The following GTF2H4 variants were observed in gnomAD, a reference collection of about 807,000 sequenced individuals.
The protein encoded by GTF2H4 is BTF2 p52.
GTF2H4 carries 49 observed loss-of-function variants against 62.2 expected under a neutral mutation model. The observed-to-expected ratio is 0.79, with a 90% confidence interval of 0.63 to 1.00. GTF2H4 has a LOEUF of 1.00. Among genes scored for constraint, GTF2H4 ranks in the 50% least tolerant of loss-of-function variants. The pLI is 0.00. For missense variants in GTF2H4, 479 were observed against 587.8 expected (o/e 0.81, Z 1.91); for synonymous variants, 189 against 233.8 (o/e 0.81, Z 1.75).
rs780624433 is a variant in GTF2H4 at position 30,911,739 on chromosome 6, G to C, written c.797G>C (p.Arg266Pro). The change falls in exon 9 of 14, where the codon CGT becomes CCT. Residue 266 changes from arginine (R) to proline (P), a missense_variant. Arg to Pro is a moderately radical substitution (Grantham distance 103). Coordinates refer to ENST00000259895, the MANE Select transcript of GTF2H4 (RefSeq NM_001517.5). The surrounding 1 kb of genome is among the most constrained non-coding windows in gnomAD (Gnocchi z 4.3). ...CTGTTGAACTTCCTGCAACATCTGC[G>C]TGAGTTTGGGCTTGTTTTCCAGAGG... ...DSLLNFLQHLREFGLVFQRKR... is the reference protein window; with the variant it reads ...DSLLNFLQHLPEFGLVFQRKR... 2.5e-6 allele frequency: 4 copies of C among 1,612,930 alleles called. No homozygotes were observed. Among genetic ancestry groups the C allele is most frequent in the Admixed American group, 1.7e-5 (1 of 60,030 alleles).
Position 30,909,158 on chromosome 6 carries a change from G to A in GTF2H4, c.122G>A (p.Cys41Tyr), listed in dbSNP as rs373240068. 5 of 1,613,566 alleles carry A rather than the reference G, an allele frequency of 3.1e-6. No individual in the cohort carries two copies. Among genetic ancestry groups the A allele is most frequent in the Non-Finnish European group, 4.2e-6 (5 of 1,179,648 alleles). The change falls in exon 2 of 14, where the codon TGT becomes TAT. Residue 41 changes from cysteine (C) to tyrosine (Y), a missense_variant. Physicochemically the swap from Cys to Tyr is radical, Grantham distance 194. Transcript: ENST00000259895. The surrounding 1 kb of genome is among the most constrained non-coding windows in gnomAD (Gnocchi z 4.3). ...CGATTGTATGGGCACCCTGCCACAT[G>A]TCTGGCTGTCTTCAGGTGAGAAGCC... is the stretch of plus-strand genomic sequence containing the variant. ...LDRLYGHPATCLAVFRELPSL... is the reference protein window; with the variant it reads ...LDRLYGHPATYLAVFRELPSL...
At position 30,908,634 on chromosome 6, in the gene GTF2H4, T is replaced by C. The variant is rs3218810; in HGVS notation, c.-4+231T>C. Among the ~76,000 whole-genome samples, 502 of 152,066 alleles carry C rather than the reference T, an allele frequency of 3.3e-3. 1 individual carries two copies. The highest frequency in any genetic ancestry group is 5.7e-3 in the African/African-American group (235 of 41,484). On this transcript the variant is annotated intron_variant, in intron 1 of 13. Transcript: ENST00000259895. ...CAGAAGTGGGCTAAGAGATAGAAGA[T>C]AGGAAGGACGGGCAGATTTGGAGCT...
chr6:30,913,079 G>C lies in GTF2H4; in HGVS notation c.1090-31G>C. 6.2e-7 allele frequency: 1 copy of C among 1,612,514 alleles called. No individual in the cohort carries two copies. The highest frequency in any genetic ancestry group is 2.2e-5 in the East Asian group (1 of 44,880). Reference sequence around the variant, plus strand: ...ATGGCTTTCCTGCCTTCTTGCTGGAGCCCTCATGCCATTCTTGTCTGTTTT... The same window carrying C: ...ATGGCTTTCCTGCCTTCTTGCTGGACCCCTCATGCCATTCTTGTCTGTTTT... On this transcript the variant is annotated intron_variant, in intron 11 of 13. Transcript: ENST00000259895. The surrounding 1 kb of genome is among the most constrained non-coding windows in gnomAD (Gnocchi z 4.2).
Position 30,910,698 on chromosome 6 carries a change from G to T in GTF2H4, c.408G>T (p.Leu136=). 6.2e-7 allele frequency: 1 copy of T among 1,613,010 alleles called. No individual in the cohort carries two copies. The highest frequency in any genetic ancestry group is 8.5e-7 in the Non-Finnish European group (1 of 1,179,998). ...GKAWSDDTSQ[L]GPDKHARDVP... is the part of the protein sequence containing the mutation. The stretch of plus-strand genomic sequence containing the variant: ...CCTGGTCTGATGACACAAGTCAGCT[G>T]GGACCAGACAAGCATGCCCGGGACG... Residue 136 remains leucine (L), a synonymous_variant, in exon 5 of 14, where the codon CTG becomes CTT. Transcript: ENST00000259895. This position sits in a 1 kb window ranked among gnomAD's most constrained non-coding sequence, Gnocchi z 4.7.
rs778558787 is a variant in GTF2H4, at chr6:30,913,206, G to A, written c.1137+49G>A. 4 of 1,613,110 alleles carry A rather than the reference G, an allele frequency of 2.5e-6. No individual in the cohort carries two copies. The South Asian group carries it at 3.3e-5, about 13-fold the overall frequency. On this transcript the variant is annotated intron_variant, in intron 12 of 13. Transcript: ENST00000259895. The surrounding 1 kb of genome is among the most constrained non-coding windows in gnomAD (Gnocchi z 4.2). The stretch of plus-strand genomic sequence containing the variant: ...AGAGGCTGGCAGCTGGTGATGACAT[G>A]ATGGAAAAGAAAAAGGGGCATCCAA...
At position 30,911,086 on chromosome 6, in the gene GTF2H4, A is replaced by C; in HGVS notation, c.561-72A>C. 7.2e-7 allele frequency: 1 copy of C among 1,383,032 alleles called. No homozygotes were observed. Among genetic ancestry groups the C allele is most frequent in the Non-Finnish European group, 1.0e-6 (1 of 973,196 alleles). 85.7% of individuals were successfully genotyped at this position (1,383,032 alleles called of 1,614,324 possible). A position where few individuals can be genotyped will look rare whatever the true frequency, so the allele number is the denominator to read the frequency against. ...ATATAGCCAGAGATACCAAGAAAAA[A>C]CGTGAGTGGACAAGTGGGGATAGTA... On this transcript the variant is annotated intron_variant, in intron 6 of 13. Transcript: ENST00000259895. This position sits in a 1 kb window ranked among gnomAD's most constrained non-coding sequence, Gnocchi z 4.3.
chr6:30,912,643 T>A lies in GTF2H4; in HGVS notation c.1089+185T>A, dbSNP rs1159822123. On this transcript the variant is annotated intron_variant, in intron 11 of 13. Coordinates refer to ENST00000259895, the MANE Select transcript of GTF2H4 (RefSeq NM_001517.5). The surrounding 1 kb of genome is among the most constrained non-coding windows in gnomAD (Gnocchi z 4.8). ...GTAGACCCTTGAGGGGAAAAAAACA[T>A]GGAGGGAGGAGGTATAGATCTGGAT... Among the ~76,000 whole-genome samples, 1 of 152,010 alleles carries A rather than the reference T, an allele frequency of 6.6e-6. No homozygotes were observed.
Position 30,912,975 on chromosome 6 carries a change from G to A in GTF2H4, c.1090-135G>A. The A allele has an allele frequency of 1.3e-6, 1 of 778,500 alleles. No homozygotes were observed. The highest frequency in any genetic ancestry group is 2.1e-6 in the Non-Finnish European group (1 of 478,996). 48.2% of individuals were successfully genotyped at this position (778,500 alleles called of 1,614,324 possible). A position where few individuals can be genotyped will look rare whatever the true frequency, so the allele number is the denominator to read the frequency against. ...AGCAACGTGGGATAACAGCTGAACT[G>A]GGATGGGTGGAGTTGATGACAGGAG... On this transcript the variant is annotated intron_variant, in intron 11 of 13. Coordinates refer to ENST00000259895, the MANE Select transcript of GTF2H4 (RefSeq NM_001517.5). This position sits in a 1 kb window ranked among gnomAD's most constrained non-coding sequence, Gnocchi z 4.8.
chr6:30,910,054 T>A lies in GTF2H4; in HGVS notation c.365T>A (p.Leu122His), dbSNP rs1337014122. The change falls in exon 4 of 14, where the codon CTT becomes CAT. Residue 122 changes from leucine to histidine, a missense_variant. Transcript: ENST00000259895. This position sits in a 1 kb window ranked among gnomAD's most constrained non-coding sequence, Gnocchi z 4.7. The part of the protein sequence containing the change: ...PIFRQNLRIA[L>H]LGGGKAWSDD... ...TTCCGCCAGAACCTCCGCATTGCCC[T>A]TCTGGGTGGGTATGTCACTTCTCTC... 6 of 1,612,724 alleles carry A rather than the reference T, an allele frequency of 3.7e-6. No individual in the cohort carries two copies. Among genetic ancestry groups the A allele is most frequent in the Non-Finnish European group, 5.1e-6 (6 of 1,179,918 alleles).
chr6:30,909,561 A>C lies in GTF2H4; in HGVS notation c.242+22A>C, dbSNP rs1362003546. 1 of 1,417,356 alleles carries C rather than the reference A, an allele frequency of 7.1e-7. No individual in the cohort carries two copies. The highest frequency in any genetic ancestry group is 1.0e-6 in the Non-Finnish European group (1 of 1,002,104). The allele number at this position is 1,417,356 out of a possible 1,614,324, so 87.8% of individuals were successfully genotyped here. A position where few individuals can be genotyped will look rare whatever the true frequency, so the allele number is the denominator to read the frequency against. On this transcript the variant is annotated intron_variant, in intron 3 of 13. Coordinates refer to ENST00000259895, the MANE Select transcript of GTF2H4 (RefSeq NM_001517.5). This position sits in a 1 kb window ranked among gnomAD's most constrained non-coding sequence, Gnocchi z 4.3. ...GCAAGTAAGTCTCAGCCAGATACAA[A>C]TTTCTCAACAGCTACATTTCCCAAA...
Position 30,912,522 on chromosome 6 carries a change from G to A in GTF2H4, c.1089+64G>A. 1.3e-6 allele frequency: 2 copies of A among 1,591,818 alleles called. No individual in the cohort carries two copies. The highest frequency in any genetic ancestry group is 8.6e-7 in the Non-Finnish European group (1 of 1,166,860). ...TGCACTTGGGCTGCGGGGGACAGGGGTCACATTATGGAAGGCTAGCTCTGA... is the reference window on the plus strand; with the variant it reads ...TGCACTTGGGCTGCGGGGGACAGGGATCACATTATGGAAGGCTAGCTCTGA... On this transcript the variant is annotated intron_variant, in intron 11 of 13. Transcript: ENST00000259895. The surrounding 1 kb of genome is among the most constrained non-coding windows in gnomAD (Gnocchi z 4.8).
At chr6:30,908,529 C>T in intron 1 of GTF2H4, 126 bp downstream of exon 1, 1 of 195,154 alleles carries the variant, frequency 5.1e-6, no homozygotes, top group Non-Finnish European at 1.1e-5. Flanking sequence ...GGGTGAATGA[C>T]GTGAAGTAGA....
rs549297128 is a variant in GTF2H4 at position 30,912,832 on chromosome 6, A to G, written c.1090-278A>G. Among the ~76,000 whole-genome samples, 4 of 152,298 alleles carry G rather than the reference A, an allele frequency of 2.6e-5. No homozygotes were observed. In the East Asian group the frequency reaches 7.7e-4, roughly 29 times the overall value. Reference sequence around the variant, plus strand: ...CAAAGCATTGAGCTCAGCACCTGTCATGCAATAAATGCTAAAAAAAGAAAA... The same window carrying G: ...CAAAGCATTGAGCTCAGCACCTGTCGTGCAATAAATGCTAAAAAAAGAAAA... On this transcript the variant is annotated intron_variant, in intron 11 of 13. Transcript: ENST00000259895. The surrounding 1 kb of genome is among the most constrained non-coding windows in gnomAD (Gnocchi z 4.8).
Position 30,909,270 on chromosome 6 carries a change from G to C in GTF2H4, c.137+97G>C. On this transcript the variant is annotated intron_variant, in intron 2 of 13. Transcript: ENST00000259895. This position sits in a 1 kb window ranked among gnomAD's most constrained non-coding sequence, Gnocchi z 4.3. Reference sequence around the variant, plus strand: ...TGTAGCAGCCTGGAGTCGGGGTGGGGACTGGGGGCAAGGGTTGGAAATTGC... The same window carrying C: ...TGTAGCAGCCTGGAGTCGGGGTGGGCACTGGGGGCAAGGGTTGGAAATTGC... 6.9e-7 allele frequency: 1 copy of C among 1,442,068 alleles called. No homozygotes were observed. The highest frequency in any genetic ancestry group is 9.4e-7 in the Non-Finnish European group (1 of 1,068,848). 89.3% of individuals were successfully genotyped at this position (1,442,068 alleles called of 1,614,324 possible). A position where few individuals can be genotyped will look rare whatever the true frequency, so the allele number is the denominator to read the frequency against.
At position 30,911,581 on chromosome 6, in the gene GTF2H4, T is replaced by C. The variant is rs902212162; in HGVS notation, c.741+82T>C. On this transcript the variant is annotated intron_variant, in intron 8 of 13. Transcript: ENST00000259895. This position sits in a 1 kb window ranked among gnomAD's most constrained non-coding sequence, Gnocchi z 4.3. The stretch of plus-strand genomic sequence containing the variant: ...GTAGAGTAGACTGAGAAGATAAGAA[T>C]GAAAACAGAACGAACAGAGATGGAG... The C allele has an allele frequency of 1.4e-6, 2 of 1,422,306 alleles. No homozygotes were observed. Among genetic ancestry groups the C allele is most frequent in the African/African-American group, 3.0e-5 (2 of 67,612 alleles). 88.1% of individuals were successfully genotyped at this position (1,422,306 alleles called of 1,614,324 possible). A position where few individuals can be genotyped will look rare whatever the true frequency, so the allele number is the denominator to read the frequency against.
Position 30,909,511 on chromosome 6 carries a change from G to A in GTF2H4, c.214G>A (p.Ala72Thr), listed in dbSNP as rs763833945. 3 of 1,610,190 alleles carry A rather than the reference G, an allele frequency of 1.9e-6. No homozygotes were observed. The highest frequency in any genetic ancestry group is 2.5e-6 in the Non-Finnish European group (3 of 1,177,532). ...GCAGCCTTTGCCACAGGCTGCTGTA[G>A]CTCTGTGGGTAAAGAAGGAATTCAG... ...LEQPLPQAAV[A>T]LWVKKEFSKA... Residue 72 changes from alanine to threonine, a missense_variant, in exon 3 of 14, where the codon GCT (alanine) becomes ACT (threonine). Transcript: ENST00000259895. This position sits in a 1 kb window ranked among gnomAD's most constrained non-coding sequence, Gnocchi z 4.3.
Position 30,911,062 on chromosome 6 carries a change from T to A in GTF2H4, c.561-96T>A. The A allele has an allele frequency of 7.6e-7, 1 of 1,318,616 alleles. No homozygotes were observed. Among genetic ancestry groups the A allele is most frequent in the African/African-American group, 1.4e-5 (1 of 69,470 alleles). The allele number at this position is 1,318,616 out of a possible 1,614,324, so 81.7% of individuals were successfully genotyped here. A position where few individuals can be genotyped will look rare whatever the true frequency, so the allele number is the denominator to read the frequency against. ...GCTGGAAAAGGCAAGCTGAGTAGAA[T>A]ATAGCCAGAGATACCAAGAAAAAAC... On this transcript the variant is annotated intron_variant, in intron 6 of 13. Coordinates refer to ENST00000259895, the MANE Select transcript of GTF2H4 (RefSeq NM_001517.5). This position sits in a 1 kb window ranked among gnomAD's most constrained non-coding sequence, Gnocchi z 4.3.
rs746591176 is a variant in GTF2H4 at position 30,911,180 on chromosome 6, T to G, written c.583T>G (p.Cys195Gly). Reference sequence around the variant, plus strand: ...TAGTACTGAACCTGGAGAGCCGCCCTGCATTACTTCCGCTGGCTTCCAGTT... The same window carrying G: ...TAGTACTGAACCTGGAGAGCCGCCCGGCATTACTTCCGCTGGCTTCCAGTT... ...MKSTEPGEPP[C>G]ITSAGFQFLL... The change falls in exon 7 of 14, where the codon TGC (cysteine) becomes GGC (glycine). Residue 195 changes from cysteine (C) to glycine (G), a missense_variant. Transcript: ENST00000259895. The surrounding 1 kb of genome is among the most constrained non-coding windows in gnomAD (Gnocchi z 4.3). The G allele has an allele frequency of 6.8e-6, 11 of 1,613,490 alleles. No homozygotes were observed. The highest frequency in any genetic ancestry group is 9.3e-6 in the Non-Finnish European group (11 of 1,179,918).
chr6:30,911,512 C>T lies in GTF2H4; in HGVS notation c.741+13C>T. 1 of 1,609,846 alleles carries T rather than the reference C, an allele frequency of 6.2e-7. No homozygotes were observed. The highest frequency in any genetic ancestry group is 8.5e-7 in the Non-Finnish European group (1 of 1,176,374). On this transcript the variant is annotated intron_variant, in intron 8 of 13. Coordinates refer to ENST00000259895, the MANE Select transcript of GTF2H4 (RefSeq NM_001517.5). The surrounding 1 kb of genome is among the most constrained non-coding windows in gnomAD (Gnocchi z 4.3). ...TACTCTGGGCAAGGTAAGCAGGGGGCTGAAAGGTATAGAGATGGGAAGGGG... is the reference window on the plus strand; with the variant it reads ...TACTCTGGGCAAGGTAAGCAGGGGGTTGAAAGGTATAGAGATGGGAAGGGG...
Sources: allele counts gnomAD v4.1 joint callset (sites outside exome capture counted in the v4.1 genomes callset), GRCh38; gene constraint gnomAD v4.1.1; non-coding constraint Gnocchi (gnomAD v3.1); transcripts MANE v1.5; gene names NCBI Gene and HGNC (gene_info 2026-07-23, HGNC 2026-07-21).